The following PLA2G3 variants were observed in gnomAD, a reference collection of about 807,000 sequenced individuals.
PLA2G3 encodes the protein group 3 secretory phospholipase A2.
In PLA2G3, 39 loss-of-function variants were observed where a neutral mutation model predicts 51.3. That is an observed-to-expected ratio of 0.76 (90% CI 0.59 to 0.99). The LOEUF is 0.99. PLA2G3 is among the 50% of genes least tolerant of loss of function. PLA2G3 has a pLI of 0.00. For missense variants in PLA2G3, 677 were observed against 662.1 expected (o/e 1.02, Z -0.25); for synonymous variants, 293 against 263.1 (o/e 1.11, Z -1.10).
chr22:31,138,880 GA>G, intron 1 of PLA2G3, 81 bp from the exon 2 acceptor site: 1 of 1,439,544 alleles, frequency 6.9e-7, no homozygotes, highest in Non-Finnish European at 9.6e-7. Flanking sequence ...CTGGTAGGAA[GA>G]GGGCAGAGAC....
At position 31,140,365 on chromosome 22, in the gene PLA2G3, C is replaced by T. The variant is rs569648138; in HGVS notation, c.-11G>A. On this transcript the variant is annotated 5_prime_UTR_variant, in exon 1 of 7. Coordinates refer to ENST00000215885, the MANE Select transcript of PLA2G3 (RefSeq NM_015715.5). ...TGCCTGAACCCCCATTCTGCACTGGCCCAGTCCAGTCAGACAAAGCCCCTG... is the reference window on the plus strand; with the variant it reads ...TGCCTGAACCCCCATTCTGCACTGGTCCAGTCCAGTCAGACAAAGCCCCTG... 6.4e-7 allele frequency: 1 copy of T among 1,565,672 alleles called. No homozygotes were observed. The highest frequency in any genetic ancestry group is 1.4e-5 in the African/African-American group (1 of 73,894).
Position 31,138,337 on chromosome 22 carries a change from C to G in PLA2G3, c.721G>C (p.Glu241Gln). Residue 241 changes from glutamate (E) to glutamine (Q), a missense_variant, in exon 3 of 7, where the codon GAG becomes CAG. By Grantham distance (29) the Glu-to-Gln change is conservative (BLOSUM62 2). Transcript: ENST00000215885. ...TCCTCCAGCACAAAGCAGGGGATCT[C>G]CAGCACGTTGAAGAAGGCCACGCCC... Reference protein sequence around the residue: ...IVGVAFFNVLEIPCFVLEEQE... With the variant: ...IVGVAFFNVLQIPCFVLEEQE... 3 of 1,613,982 alleles carry G rather than the reference C, an allele frequency of 1.9e-6. No homozygotes were observed. The highest frequency in any genetic ancestry group is 2.5e-6 in the Non-Finnish European group (3 of 1,179,984).
Position 31,135,616 on chromosome 22 carries a change from C to T in PLA2G3, c.*107G>A. 3.7e-6 allele frequency: 3 copies of T among 814,160 alleles called. No individual in the cohort carries two copies. The highest frequency in any genetic ancestry group is 6.2e-6 in the Non-Finnish European group (3 of 482,992). 50.4% of individuals were successfully genotyped at this position (814,160 alleles called of 1,614,324 possible). A position where few individuals can be genotyped will look rare whatever the true frequency, so the allele number is the denominator to read the frequency against. The stretch of plus-strand genomic sequence containing the variant: ...CATCCTCTTGATTGTCCACAACAGC[C>T]TCTGCCATGCTTCAGTCTAACCTAC... On this transcript the variant is annotated 3_prime_UTR_variant, in exon 7 of 7. Coordinates refer to ENST00000215885, the MANE Select transcript of PLA2G3 (RefSeq NM_015715.5).
intron 1 of PLA2G3, among the ~76,000 whole-genome samples, chr22:31,139,443 G>T (rs1922767279): frequency 6.6e-6 from 1 of 152,194 alleles, no homozygotes; most frequent in African/African-American, 2.4e-5. Context: ...GAGAGGGGAA[G>T]TGACTTGCTC....
Position 31,135,727 on chromosome 22 carries a change from T to C in PLA2G3, c.1526A>G (p.Gln509Arg). The change falls in exon 7 of 7, where the codon CAG (glutamine) becomes CGG (arginine). Residue 509 changes from glutamine to arginine, a missense_variant. Physicochemically the swap from Gln to Arg is conservative, Grantham distance 43. Coordinates refer to ENST00000215885, the MANE Select transcript of PLA2G3 (RefSeq NM_015715.5). ...RPDRQQKSWS[Q>R] Reference sequence around the variant, plus strand: ...CCAGGAAAGCTGAAACTGAGGTCACTGGCTCCAGGACTTCTGCTGCCTGTC... The same window carrying C: ...CCAGGAAAGCTGAAACTGAGGTCACCGGCTCCAGGACTTCTGCTGCCTGTC... 1 of 1,612,574 alleles carries C rather than the reference T, an allele frequency of 6.2e-7. No individual in the cohort carries two copies. The highest frequency in any genetic ancestry group is 8.5e-7 in the Non-Finnish European group (1 of 1,179,244).
chr22:31,138,882 G>A lies in PLA2G3; in HGVS notation c.515-83C>T, dbSNP rs1922746263. On this transcript the variant is annotated intron_variant, in intron 1 of 6. Coordinates refer to ENST00000215885, the MANE Select transcript of PLA2G3 (RefSeq NM_015715.5). ...CAGCTATGCCCCCCTGGTAGGAAGA[G>A]GGCAGAGACCTGGTTCTCACCCCAG... 1.7e-5 allele frequency: 24 copies of A among 1,430,844 alleles called. 1 individual carries two copies. The South Asian group carries it at 2.2e-4, about 13-fold the overall frequency. The allele number at this position is 1,430,844 out of a possible 1,614,324, so 88.6% of individuals were successfully genotyped here. A position where few individuals can be genotyped will look rare whatever the true frequency, so the allele number is the denominator to read the frequency against.
At chr22:31,137,681 G>C in intron 4 of PLA2G3, 29 bp downstream of exon 4, 1 of 1,550,292 alleles carries the variant, frequency 6.5e-7, no homozygotes, top group Non-Finnish European at 8.7e-7. Context: ...CTCATGTCAG[G>C]AACCCCCAAG....
chr22:31,137,128 G>C, intron 4 of PLA2G3, 88 bp from the exon 5 acceptor site: 1 of 1,262,002 alleles, frequency 7.9e-7, no homozygotes, highest in South Asian at 1.6e-5. Flanking sequence ...ACACCAGCAC[G>C]TGTGCTCAGT....
At chr22:31,137,421 A>G (rs1458869994) in intron 4 of PLA2G3, among the ~76,000 whole-genome samples, 3 of 152,176 alleles carry the variant, frequency 2.0e-5, no homozygotes, top group African/African-American at 7.2e-5. Context: ...TTGTGAAACT[A>G]GAGTTTTGAC....
chr22:31,137,345 G>A (rs1388943354), intron 4 of PLA2G3, among the ~76,000 whole-genome samples: 1 of 152,242 alleles, frequency 6.6e-6, no homozygotes, highest in Non-Finnish European at 1.5e-5. Flanking sequence ...AAGGAGAGGA[G>A]GAACAGCATG....
At chr22:31,137,111 G>A (rs1237877181) in intron 4 of PLA2G3, 71 bp from the exon 5 acceptor site, 17 of 1,384,070 alleles carry the variant, frequency 1.2e-5, no homozygotes, top group Admixed American at 5.7e-5. Flanking sequence ...TGCGCCATCC[G>A]GGAGAAACAC....
rs1922519695 is a variant in PLA2G3, at chr22:31,135,754, G to A, written c.1499C>T (p.Pro500Leu). 6.2e-7 allele frequency: 1 copy of A among 1,613,850 alleles called. No homozygotes were observed. Among genetic ancestry groups the A allele is most frequent in the Admixed American group, 1.7e-5 (1 of 60,020 alleles). ...GCTCCAGGACTTCTGCTGCCTGTCG[G>A]GTCTCCTGGCTGCCTGGGTTAGCTG... Reference protein sequence around the residue: ...CLQLTQAARRPDRQQKSWSQ With the variant: ...CLQLTQAARRLDRQQKSWSQ The change falls in exon 7 of 7, where the codon CCC becomes CTC. Residue 500 changes from proline (P) to leucine (L), a missense_variant. Pro to Leu is a moderately conservative substitution (Grantham distance 98, BLOSUM62 -3). Coordinates refer to ENST00000215885, the MANE Select transcript of PLA2G3 (RefSeq NM_015715.5).
In PLA2G3 at chr22:31,138,813, A is replaced by T; in HGVS notation, c.515-14T>A. 1 of 1,613,524 alleles carries T rather than the reference A, an allele frequency of 6.2e-7. No individual in the cohort carries two copies. The highest frequency in any genetic ancestry group is 8.5e-7 in the Non-Finnish European group (1 of 1,179,834). ...CCTGGAAGACCCCTGCAGGGAGGGG[A>T]GGGGAGAGGGCACCAACTCAGCAGG... On this transcript the variant is annotated splice_polypyrimidine_tract_variant and intron_variant, in intron 1 of 6. Coordinates refer to ENST00000215885, the MANE Select transcript of PLA2G3 (RefSeq NM_015715.5).
At chr22:31,138,074 A>G (rs1165762052) in intron 3 of PLA2G3, 81 bp from the exon 4 acceptor site, 4 of 1,431,628 alleles carry the variant, frequency 2.8e-6, no homozygotes, top group Admixed American at 2.3e-5. Flanking sequence ...ATGGAGATCA[A>G]TGCTCTGCCA....
In PLA2G3 at chr22:31,135,745, T is replaced by A; in HGVS notation, c.1508A>T (p.Gln503Leu). 1 of 1,613,700 alleles carries A rather than the reference T, an allele frequency of 6.2e-7. No individual in the cohort carries two copies. The highest frequency in any genetic ancestry group is 8.5e-7 in the Non-Finnish European group (1 of 1,179,934). ...AGGTCACTGGCTCCAGGACTTCTGC[T>A]GCCTGTCGGGTCTCCTGGCTGCCTG... ...LTQAARRPDR[Q>L]QKSWSQ The change falls in exon 7 of 7, where the codon CAG becomes CTG. Residue 503 changes from glutamine (Q) to leucine (L), a missense_variant. Coordinates refer to ENST00000215885, the MANE Select transcript of PLA2G3 (RefSeq NM_015715.5).
In PLA2G3 at chr22:31,135,465, A is replaced by C; in HGVS notation, c.*258T>G. 1.9e-6 allele frequency: 1 copy of C among 530,022 alleles called. No homozygotes were observed. Among genetic ancestry groups the C allele is most frequent in the Non-Finnish European group, 3.4e-6 (1 of 295,456 alleles). The allele number at this position is 530,022 out of a possible 1,614,324, so 32.8% of individuals were successfully genotyped here. A position where few individuals can be genotyped will look rare whatever the true frequency, so the allele number is the denominator to read the frequency against. ...AAGTTCCCTGGCAAGGCCAAAGCCCAGGGCATCAGAATGAGCTTCCTGAAC... is the reference window on the plus strand; with the variant it reads ...AAGTTCCCTGGCAAGGCCAAAGCCCCGGGCATCAGAATGAGCTTCCTGAAC... On this transcript the variant is annotated 3_prime_UTR_variant, in exon 7 of 7. Transcript: ENST00000215885.
rs761187957 is a variant in PLA2G3 at position 31,139,903 on chromosome 22, C to T, written c.452G>A (p.Trp151Ter). ...ACACCACAGTGTGCCAGGCATGGTC[C>T]ATCCTCTCTTCTCTCGCTGGTGCCC... ...GGGHQREKRG[W>*]TMPGTLWCGV... Residue 151 changes from tryptophan to a stop codon, truncating the protein, a stop_gained, in exon 1 of 7, where the codon TGG (tryptophan) becomes TAG (stop). Transcript: ENST00000215885. LOFTEE classifies it high-confidence loss of function. The T allele has an allele frequency of 1.2e-6, 2 of 1,613,964 alleles. No individual in the cohort carries two copies. Among genetic ancestry groups the T allele is most frequent in the South Asian group, 1.1e-5 (1 of 91,068 alleles).
chr22:31,139,919 G>A lies in PLA2G3; in HGVS notation c.436C>T (p.Arg146Ter), dbSNP rs201767666. The A allele has an allele frequency of 4.2e-5, 68 of 1,613,640 alleles. No homozygotes were observed. The South Asian group carries it at 4.4e-4, about 10-fold the overall frequency. Reference protein sequence around the residue: ...QSGVPGGGHQREKRGWTMPGT... With the variant: ...QSGVPGGGHQ The stretch of plus-strand genomic sequence containing the variant: ...GGCATGGTCCATCCTCTCTTCTCTC[G>A]CTGGTGCCCTCCACCAGGGACTCCA... Residue 146 changes from arginine (R) to a stop codon, truncating the protein, a stop_gained, in exon 1 of 7, where the codon CGA becomes TGA. Coordinates refer to ENST00000215885, the MANE Select transcript of PLA2G3 (RefSeq NM_015715.5). LOFTEE classifies it high-confidence loss of function.
Position 31,137,986 on chromosome 22 carries a change from T to A in PLA2G3, c.790A>T (p.Met264Leu). The A allele has an allele frequency of 6.5e-7, 1 of 1,549,694 alleles. No homozygotes were observed. ...VAWYWWGGCR[M>L]YGTVPLARLQ... ...CGAGCGAGGGGCACTGTGCCGTACA[T>A]CCTACACCTGGGTGGTGGCAGTTGG... The change falls in exon 4 of 7, where the codon ATG (methionine) becomes TTG (leucine). Residue 264 changes from methionine (M) to leucine (L), a missense_variant. Physicochemically the swap from Met to Leu is conservative, Grantham distance 15. Transcript: ENST00000215885.
Sources: allele counts gnomAD v4.1 joint callset (sites outside exome capture counted in the v4.1 genomes callset), GRCh38; gene constraint gnomAD v4.1.1; transcripts MANE v1.5; gene names NCBI Gene and HGNC (gene_info 2026-07-23, HGNC 2026-07-21).